IL3RA: variants seen among roughly 807,000 people sequenced by gnomAD.
IL3RA encodes the protein interleukin-3 receptor subunit alpha.
A neutral mutation model predicts 52.3 loss-of-function variants in IL3RA; 73 were observed. The ratio of observed to expected loss-of-function variants is 1.40; its 90% CI spans 1.16 to 1.70. The LOEUF (loss-of-function observed/expected upper bound fraction) is 1.70. Ranked by LOEUF, IL3RA falls within the 40% of genes most tolerant of loss-of-function variation. The pLI is 0.00. For missense variants in IL3RA, 664 were observed against 504.4 expected, an observed-to-expected ratio of 1.32 and a Z score of -3.03; for synonymous variants, 260 against 194.0, an observed-to-expected ratio of 1.34 and a Z score of -2.83.
At chrX:1,344,512 T>C (rs1191885024) in intron 2 of IL3RA, among the ~76,000 whole-genome samples, 10 of 151,896 alleles carry the variant, frequency 6.6e-5, no homozygotes, top group South Asian at 6.2e-4. Context: ...TGGTGGCTCA[T>C]GCTTGTAATC....
At chrX:1,356,405 C>G in intron 7 of IL3RA, 69 bp downstream of exon 7, 3 of 929,328 alleles carry the variant, frequency 3.2e-6, no homozygotes, top group Non-Finnish European at 5.1e-6. Flanking sequence ...AAGTCGCACT[C>G]TGGGGCCTTG....
chrX:1,345,636 C>G (rs1251278146), intron 3 of IL3RA, among the ~76,000 whole-genome samples: 8 of 151,664 alleles, frequency 5.3e-5, no homozygotes, highest in African/African-American at 1.9e-4. Context: ...ACTACAGGCG[C>G]CCGCCACCAT....
intron 7 of IL3RA, among the ~76,000 whole-genome samples, chrX:1,357,259 G>C (rs1306200342): frequency 3.3e-5 from 5 of 151,100 alleles, no homozygotes; most frequent in African/African-American, 1.2e-4. Flanking sequence ...CAGCCTATGT[G>C]TTATATTTAG....
chrX:1,352,115 C>G lies in IL3RA; in HGVS notation c.314C>G (p.Ala105Gly), dbSNP rs767712488. Reference sequence around the variant, plus strand: ...GTGAACCCAGGTGGGAAGCCTTGGGCAGGTGCGGAGAATCTGACCTGCTGG... The same window carrying G: ...GTGAACCCAGGTGGGAAGCCTTGGGGAGGTGCGGAGAATCTGACCTGCTGG... ...LFPENSGKPW[A>G]GAENLTCWIH... Residue 105 changes from alanine (A) to glycine (G), a missense_variant, in exon 5 of 12, where the codon GCA becomes GGA. Transcript: ENST00000331035. The G allele has an allele frequency of 6.2e-7, 1 of 1,613,780 alleles. No homozygotes were observed. Among genetic ancestry groups the G allele is most frequent in the South Asian group, 1.1e-5 (1 of 91,074 alleles).
chrX:1,341,900 G>A (rs1382707801), intron 2 of IL3RA, 71 bp downstream of exon 2: 17 of 1,513,140 alleles, frequency 1.1e-5, no homozygotes, highest in African/African-American at 8.2e-5. Context: ...CAATGTCAGC[G>A]TGCCGTCCTT....
At chrX:1,359,311 C>T (rs181372066) in intron 8 of IL3RA, among the ~76,000 whole-genome samples, 13 of 152,204 alleles carry the variant, frequency 8.5e-5, no homozygotes, top group Non-Finnish European at 1.0e-4. Flanking sequence ...AGCATTCAGA[C>T]AGGTGGCCCA....
rs1283637159 is a variant in IL3RA, at chrX:1,352,472, C to G, written c.582C>G (p.Pro194=). 1 of 1,613,676 alleles carries G rather than the reference C, an allele frequency of 6.2e-7. No homozygotes were observed. The change falls in exon 6 of 12, where the codon CCC becomes CCG. Residue 194 remains proline (P), a synonymous_variant. Transcript: ENST00000331035. ...VRGRSAAFGI[P]CTDKFVVFSQ... is the part of the protein sequence containing the mutation. ...GCAGGAGCGCAGCCTTCGGTATCCC[C>G]TGCACAGATAAGTTTGTCGTCTTTT...
At chrX:1,355,546 G>C (rs1467305608) in intron 6 of IL3RA, among the ~76,000 whole-genome samples, 1 of 151,174 alleles carries the variant, frequency 6.6e-6, no homozygotes, top group African/African-American at 2.4e-5. Flanking sequence ...CGGACACACA[G>C]GGCTGGGCTG....
chrX:1,376,623 C>T (rs1429687805), intron 9 of IL3RA, among the ~76,000 whole-genome samples: 2 of 149,156 alleles, frequency 1.3e-5, no homozygotes, highest in Admixed American at 6.7e-5. Context: ...CACGGAGGAA[C>T]AACCCTGTGA....
chrX:1,343,627 A>T (rs1429755667), intron 2 of IL3RA, among the ~76,000 whole-genome samples: 1 of 138,114 alleles, frequency 7.2e-6, no homozygotes, highest in Non-Finnish European at 1.5e-5. Flanking sequence ...AGATCACGCC[A>T]TTGCACTCCA....
chrX:1,378,721 G>T lies in IL3RA; in HGVS notation c.937G>T (p.Gly313Trp). ...AWRTSLLIAL[G>W]TLLALVCVFV... ...GCGGACGTCGCTGCTGATCGCGCTG[G>T]GGACGCTGCTGGCCCTGGTCTGTGT... is the stretch of plus-strand genomic sequence containing the variant. Residue 313 changes from glycine to tryptophan, a missense_variant, in exon 10 of 12, where the codon GGG (glycine) becomes TGG (tryptophan). Transcript: ENST00000331035. 2 of 1,612,612 alleles carry T rather than the reference G, an allele frequency of 1.2e-6. No individual in the cohort carries two copies. The highest frequency in any genetic ancestry group is 1.7e-6 in the Non-Finnish European group (2 of 1,179,848).
intron 3 of IL3RA, among the ~76,000 whole-genome samples, chrX:1,348,013 G>A (rs1308483055): frequency 1.4e-5 from 2 of 144,438 alleles, no homozygotes; most frequent in East Asian, 4.1e-4. Context: ...CTCCAGCCTG[G>A]GCGACAGAGC....
intron 4 of IL3RA, among the ~76,000 whole-genome samples, chrX:1,349,916 T>A (rs1186880598): frequency 6.6e-6 from 1 of 151,868 alleles, no homozygotes; most frequent in Non-Finnish European, 1.5e-5. Flanking sequence ...CCTCCCAAAG[T>A]GCTGGGATGA....
At chrX:1,359,574 C>T (rs1335349861) in intron 8 of IL3RA, among the ~76,000 whole-genome samples, 1 of 150,212 alleles carries the variant, frequency 6.7e-6, no homozygotes, top group East Asian at 2.0e-4. Context: ...GTGTCTATCT[C>T]TCCCTGTCCC....
At chrX:1,356,649 G>A (rs1177934494) in intron 7 of IL3RA, among the ~76,000 whole-genome samples, 1 of 151,918 alleles carries the variant, frequency 6.6e-6, no homozygotes. Flanking sequence ...GCACGGTCTT[G>A]TAGTTCCAGC....
At chrX:1,368,307 G>A (rs1162432304) in intron 9 of IL3RA, among the ~76,000 whole-genome samples, 7 of 151,964 alleles carry the variant, frequency 4.6e-5, no homozygotes, top group Admixed American at 1.3e-4. Context: ...ACTTCTGGCC[G>A]GGCACGGTGA....
chrX:1,345,279 A>G, intron 2 of IL3RA, 37 bp from the exon 3 acceptor site: 2 of 1,410,816 alleles, frequency 1.4e-6, no homozygotes, highest in Non-Finnish European at 2.0e-6. Context: ...TAAGATTCTT[A>G]CGTATCTCTT....
chrX:1,380,816 A>C (rs2089142902), intron 10 of IL3RA, among the ~76,000 whole-genome samples: 1 of 149,248 alleles, frequency 6.7e-6, no homozygotes, highest in African/African-American at 2.5e-5. Flanking sequence ...CCAGCGCCCT[A>C]CTCCTTTAAT....
chrX:1,380,357 G>C (rs1347469818), intron 10 of IL3RA, among the ~76,000 whole-genome samples: 1 of 126,068 alleles, frequency 7.9e-6, no homozygotes, highest in African/African-American at 3.1e-5. Flanking sequence ...CTGGGCATCA[G>C]AGCTTCACAA....
Sources: gnomAD v4.1 joint callset for allele counts (sites outside exome capture counted in the v4.1 genomes callset) on GRCh38, gnomAD v4.1.1 for gene constraint, MANE v1.5 for transcripts, NCBI Gene and HGNC (gene_info 2026-07-23, HGNC 2026-07-21) for gene names.